PEA15: variants seen among roughly 807,000 people sequenced by gnomAD.
PEA15 encodes the protein astrocytic phosphoprotein PEA-15.
For synonymous variants in PEA15, 60 were observed against 61.8 expected (o/e 0.97, Z 0.13); for missense variants, 77 against 161.3 (o/e 0.48, Z 2.83).
intron 1 of PEA15, chr1:160,206,313 A>G (rs1654587203): frequency 6.6e-6 from 1 of 152,164 alleles, no homozygotes; most frequent in Non-Finnish European, 1.5e-5. Context: ...ACTGTCCCCA[A>G]ATCCATCCTG....
chr1:160,211,798 T>C (rs998804160), intron 2 of PEA15, 82 bp downstream of exon 2: 1 of 1,362,078 alleles, frequency 7.3e-7, no homozygotes, highest in Non-Finnish European at 1.0e-6. Context: ...CTCAAAGCTT[T>C]TACATCCACA....
Position 160,208,871 on chromosome 1 carries a change from G to A in PEA15, c.-2-2672G>A, listed in dbSNP as rs1654722813. On this transcript the variant is annotated intron_variant, in intron 1 of 3. Transcript: ENST00000360472. The surrounding 1 kb of genome is among the most constrained non-coding windows in gnomAD (Gnocchi z 4.1). ...TTCCCTACACTCCTCCCATCTAGTGGTGTCATCCTAACGACTGGGGGTGGG... is the reference window on the plus strand; with the variant it reads ...TTCCCTACACTCCTCCCATCTAGTGATGTCATCCTAACGACTGGGGGTGGG... 13 of 564,862 alleles carry A rather than the reference G, an allele frequency of 2.3e-5. No homozygotes were observed. The highest frequency in any genetic ancestry group is 4.1e-5 in the Non-Finnish European group (13 of 316,924). The allele number at this position is 564,862 out of a possible 1,614,324, so 35.0% of individuals were successfully genotyped here.
At chr1:160,211,174 T>G in intron 1 of PEA15, 7 of 470,288 alleles carry the variant, frequency 1.5e-5, no homozygotes, top group Non-Finnish European at 1.7e-5. Context: ...GGTGGGGCGA[T>G]TCTGAGGGGG....
rs140958790 is a variant in PEA15, at chr1:160,210,661, G to C, written c.-2-882G>C. Among the ~76,000 whole-genome samples, 274 of 152,218 alleles carry C rather than the reference G, an allele frequency of 1.8e-3. 4 individuals carry two copies. The East Asian group carries it at 0.027, about 15-fold the overall frequency. ...TGTTGATACGATACGAGAAGGGGGG[G>C]CAGTCCCCTTTTGCCATTCTCCCAA... On this transcript the variant is annotated intron_variant, in intron 1 of 3. Coordinates refer to ENST00000360472, the MANE Select transcript of PEA15 (RefSeq NM_003768.5).
chr1:160,211,173 A>T, intron 1 of PEA15: 1 of 468,010 alleles, frequency 2.1e-6, no homozygotes, highest in Non-Finnish European at 2.8e-6. Flanking sequence ...GGGTGGGGCG[A>T]TTCTGAGGGG....
intron 2 of PEA15, 112 bp from the exon 3 acceptor site, chr1:160,212,998 T>A: frequency 1.9e-6 from 2 of 1,041,920 alleles, no homozygotes; most frequent in Non-Finnish European, 3.0e-6. Flanking sequence ...TGTTGTACCC[T>A]CCCATAACCA....
In PEA15 at chr1:160,213,409, T is replaced by C. The variant is rs991120543; in HGVS notation, c.329-13T>C. ...ACACTGCTGTCCCTGGACACATACC[T>C]TTTTGCCCCCAGACATTATCCGGCA... On this transcript the variant is annotated splice_polypyrimidine_tract_variant and intron_variant, in intron 3 of 3. Coordinates refer to ENST00000360472, the MANE Select transcript of PEA15 (RefSeq NM_003768.5). The surrounding 1 kb of genome is among the most constrained non-coding windows in gnomAD (Gnocchi z 5.3). 6.2e-7 allele frequency: 1 copy of C among 1,613,818 alleles called. No homozygotes were observed. The highest frequency in any genetic ancestry group is 8.5e-7 in the Non-Finnish European group (1 of 1,179,790).
rs1434531255 is a variant in PEA15 at position 160,215,147 on chromosome 1, A to G, written c.*1661A>G. The G allele has an allele frequency of 6.6e-6, 1 of 152,570 alleles. No homozygotes were observed. The highest frequency in any genetic ancestry group is 1.5e-5 in the Non-Finnish European group (1 of 68,028). 9.5% of individuals were successfully genotyped at this position (152,570 alleles called of 1,614,324 possible). ...ATTTGGGATATGTTACATTAGAGTG[A>G]GAGAGAGAATAAGGAGCCTTTCTTA... is the stretch of plus-strand genomic sequence containing the variant. On this transcript the variant is annotated 3_prime_UTR_variant, in exon 4 of 4. Transcript: ENST00000360472.
intron 2 of PEA15, among the ~76,000 whole-genome samples, chr1:160,212,740 GAT>G (rs1571068925): frequency 1.5e-5 from 2 of 130,916 alleles, no homozygotes; most frequent in East Asian, 5.3e-4. Flanking sequence ...AGCAAATTCT[GAT>G]ACTTACTTGG....
intron 1 of PEA15, chr1:160,206,091 CCT>C (rs1654572338): frequency 6.6e-6 from 1 of 152,530 alleles, no homozygotes; most frequent in Admixed American, 6.5e-5. Context: ...AACACGCACA[CCT>C]ATAAGGCACG....
rs1023431676 is a variant in PEA15, at chr1:160,208,833, T to C, written c.-2-2710T>C. On this transcript the variant is annotated intron_variant, in intron 1 of 3. Transcript: ENST00000360472. This position sits in a 1 kb window ranked among gnomAD's most constrained non-coding sequence, Gnocchi z 4.1. ...GCCTTATTCCTATCCTTTCTGTCCC[T>C]TCTTACTCACCATTCCCTACACTCC... 2 of 614,032 alleles carry C rather than the reference T, an allele frequency of 3.3e-6. No individual in the cohort carries two copies. The highest frequency in any genetic ancestry group is 3.7e-5 in the African/African-American group (2 of 54,234). The allele number at this position is 614,032 out of a possible 1,614,324, so 38.0% of individuals were successfully genotyped here. A position where few individuals can be genotyped will look rare whatever the true frequency, so the allele number is the denominator to read the frequency against.
rs1418022392 is a variant in PEA15 at position 160,205,770 on chromosome 1, C to G, written c.-3+248C>G. 6.6e-6 allele frequency: 1 copy of G among 152,254 alleles called. No individual in the cohort carries two copies. Among genetic ancestry groups the G allele is most frequent in the Non-Finnish European group, 1.5e-5 (1 of 68,102 alleles). 9.4% of individuals were successfully genotyped at this position (152,254 alleles called of 1,614,324 possible). ...CTGAACGGCAGTTTGGGAGTCGGACCGGGGCCTGTGGATTAGGATGCAGCC... is the reference window on the plus strand; with the variant it reads ...CTGAACGGCAGTTTGGGAGTCGGACGGGGGCCTGTGGATTAGGATGCAGCC... On this transcript the variant is annotated intron_variant, in intron 1 of 3. Transcript: ENST00000360472. The surrounding 1 kb of genome is among the most constrained non-coding windows in gnomAD (Gnocchi z 5.9).
rs1003488197 is a variant in PEA15, at chr1:160,205,924, G to A, written c.-3+402G>A. Reference sequence around the variant, plus strand: ...CGGTTCCGCGGGCGGCTGGTACCATGTGCCCTCACCCCCAGCTCACTGCAC... The same window carrying A: ...CGGTTCCGCGGGCGGCTGGTACCATATGCCCTCACCCCCAGCTCACTGCAC... On this transcript the variant is annotated intron_variant, in intron 1 of 3. Transcript: ENST00000360472. This position sits in a 1 kb window ranked among gnomAD's most constrained non-coding sequence, Gnocchi z 5.9. 5 of 152,280 alleles carry A rather than the reference G, an allele frequency of 3.3e-5. No homozygotes were observed. The highest frequency in any genetic ancestry group is 1.2e-4 in the African/African-American group (5 of 41,472). 9.4% of individuals were successfully genotyped at this position (152,280 alleles called of 1,614,324 possible).
In PEA15 at chr1:160,213,458, A is replaced by G; in HGVS notation, c.365A>G (p.Lys122Arg). ...IRQPSEEEII[K>R]LAPPPKKA ...CAGCCCTCTGAGGAAGAGATCATCAAATTGGCTCCCCCACCGAAGAAGGCC... is the reference window on the plus strand; with the variant it reads ...CAGCCCTCTGAGGAAGAGATCATCAGATTGGCTCCCCCACCGAAGAAGGCC... The change falls in exon 4 of 4, where the codon AAA (lysine) becomes AGA (arginine). Residue 122 changes from lysine to arginine, a missense_variant. Coordinates refer to ENST00000360472, the MANE Select transcript of PEA15 (RefSeq NM_003768.5). The surrounding 1 kb of genome is among the most constrained non-coding windows in gnomAD (Gnocchi z 5.3). The G allele has an allele frequency of 6.2e-7, 1 of 1,613,912 alleles. No homozygotes were observed. Among genetic ancestry groups the G allele is most frequent in the Non-Finnish European group, 8.5e-7 (1 of 1,179,950 alleles).
Position 160,213,047 on chromosome 1 carries a change from G to A in PEA15, c.173-63G>A. On this transcript the variant is annotated intron_variant, in intron 2 of 3. Coordinates refer to ENST00000360472, the MANE Select transcript of PEA15 (RefSeq NM_003768.5). The surrounding 1 kb of genome is among the most constrained non-coding windows in gnomAD (Gnocchi z 5.3). ...AGCTTTGGTTCCAGGTCACTAGTCT[G>A]GTGGAGTAGGGGAAGCTGACCTCTA... 1.3e-6 allele frequency: 2 copies of A among 1,563,282 alleles called. No individual in the cohort carries two copies. The highest frequency in any genetic ancestry group is 2.2e-5 in the South Asian group (2 of 89,100).
Position 160,208,512 on chromosome 1 carries a change from C to T in PEA15, c.-3+2990C>T. The T allele has an allele frequency of 4.2e-6, 5 of 1,194,770 alleles. No homozygotes were observed. Among genetic ancestry groups the T allele is most frequent in the South Asian group, 1.3e-5 (1 of 76,004 alleles). The allele number at this position is 1,194,770 out of a possible 1,614,324, so 74.0% of individuals were successfully genotyped here. ...GGTGATCCCTGAGCAGCTCTCTGCACTGCTCCAGAAATCAGGAGGATTTTT... is the reference window on the plus strand; with the variant it reads ...GGTGATCCCTGAGCAGCTCTCTGCATTGCTCCAGAAATCAGGAGGATTTTT... On this transcript the variant is annotated intron_variant, in intron 1 of 3. Coordinates refer to ENST00000360472, the MANE Select transcript of PEA15 (RefSeq NM_003768.5). This position sits in a 1 kb window ranked among gnomAD's most constrained non-coding sequence, Gnocchi z 4.1.
In PEA15 at chr1:160,213,583, C is replaced by T; in HGVS notation, c.*97C>T. 2 of 1,034,754 alleles carry T rather than the reference C, an allele frequency of 1.9e-6. No individual in the cohort carries two copies. The highest frequency in any genetic ancestry group is 3.0e-6 in the Non-Finnish European group (2 of 665,166). 64.1% of individuals were successfully genotyped at this position (1,034,754 alleles called of 1,614,324 possible). A position where few individuals can be genotyped will look rare whatever the true frequency, so the allele number is the denominator to read the frequency against. ...GGGCAAGGGCAACCCACCATCTACC[C>T]ACTTACTAACCTGGTCCTAACCCCC... On this transcript the variant is annotated 3_prime_UTR_variant, in exon 4 of 4. Transcript: ENST00000360472. The surrounding 1 kb of genome is among the most constrained non-coding windows in gnomAD (Gnocchi z 5.3).
intron 2 of PEA15, among the ~76,000 whole-genome samples, chr1:160,212,076 A>G (rs1654895320): frequency 6.6e-6 from 1 of 152,204 alleles, no homozygotes; most frequent in South Asian, 2.1e-4. Context: ...TAGTAATACT[A>G]ATCTTTGTTA....
Position 160,213,230 on chromosome 1 carries a change from A to G in PEA15, c.293A>G (p.Lys98Arg), listed in dbSNP as rs977751826. ...TCTGAGGAGGATGAGCTGGACACCA[A>G]GCTAACCCGTATCCCCAGTGCCAAG... ...KISEEDELDT[K>R]LTRIPSAKKY... Residue 98 changes from lysine (K) to arginine (R), a missense_variant, in exon 3 of 4, where the codon AAG (lysine) becomes AGG (arginine). Physicochemically the swap from Lys to Arg is conservative, Grantham distance 26. Transcript: ENST00000360472. The surrounding 1 kb of genome is among the most constrained non-coding windows in gnomAD (Gnocchi z 5.3). 6.2e-7 allele frequency: 1 copy of G among 1,614,214 alleles called. No individual in the cohort carries two copies. Among genetic ancestry groups the G allele is most frequent in the Non-Finnish European group, 8.5e-7 (1 of 1,180,028 alleles).
Sources: allele counts gnomAD v4.1 joint callset (sites outside exome capture counted in the v4.1 genomes callset), GRCh38; gene constraint gnomAD v4.1.1; non-coding constraint Gnocchi (gnomAD v3.1); transcripts MANE v1.5; gene names NCBI Gene and HGNC (gene_info 2026-07-23, HGNC 2026-07-21).